FAN1: variants seen among roughly 807,000 people sequenced by gnomAD.
The protein encoded by FAN1 is fanconi-associated nuclease 1.
Under a neutral mutation model 104.9 loss-of-function variants are expected in FAN1, and 91 were observed. That is an observed-to-expected ratio of 0.87 (90% CI 0.73 to 1.03). FAN1 has a LOEUF of 1.03. FAN1 is among the 50% of genes least tolerant of loss of function. The probability of loss-of-function intolerance (pLI) is 0.00; values close to 1 mark genes in which losing one functional copy is unlikely to be tolerated. For synonymous variants in FAN1, 478 were observed against 457.6 expected (o/e 1.04, Z -0.57); for missense variants, 1,263 against 1,239.9 (o/e 1.02, Z -0.28).
In FAN1 at chr15:30,941,678, C is replaced by T. The variant is rs774800788; in HGVS notation, c.*116C>T. On this transcript the variant is annotated 3_prime_UTR_variant, in exon 15 of 15. Transcript: ENST00000362065. ...GTACATCCTGCTCTGGCCCAGCTCC[C>T]CATAGCAGGCCTCCAGGGGGCCACT... The T allele has an allele frequency of 6.1e-5, 98 of 1,613,506 alleles. No homozygotes were observed. The highest frequency in any genetic ancestry group is 8.0e-5 in the Non-Finnish European group (94 of 1,179,744).
chr15:30,919,620 C>G (rs1187422147), intron 6 of FAN1, among the ~76,000 whole-genome samples: 1 of 144,732 alleles, frequency 6.9e-6, no homozygotes, highest in Non-Finnish European at 1.5e-5. Flanking sequence ...ACCTGGGAGA[C>G]AGAGGTTGTA....
chr15:30,929,602 A>G (rs2062568327), intron 12 of FAN1, among the ~76,000 whole-genome samples: 1 of 125,396 alleles, frequency 8.0e-6, no homozygotes, highest in African/African-American at 3.5e-5. Context: ...TATATATTAC[A>G]TATTACATAT....
chr15:30,911,608 A>G (rs1488984890), intron 4 of FAN1: 47 of 946,390 alleles, frequency 5.0e-5, no homozygotes, highest in Non-Finnish European at 5.7e-5. Flanking sequence ...AAAGTACTTC[A>G]ATAAATTACA....
At chr15:30,932,063 A>T (rs1458674648) in intron 13 of FAN1, among the ~76,000 whole-genome samples, 1 of 151,976 alleles carries the variant, frequency 6.6e-6, no homozygotes, top group Non-Finnish European at 1.5e-5. Flanking sequence ...TCTACTAAAA[A>T]TACAAAAAAT....
At chr15:30,907,897 A>G (rs1232611217) in intron 2 of FAN1, among the ~76,000 whole-genome samples, 4 of 152,214 alleles carry the variant, frequency 2.6e-5, no homozygotes, top group Non-Finnish European at 5.9e-5. Context: ...GGGAGTAGAA[A>G]TGTTGATGTC....
At position 30,930,415 on chromosome 15, in the gene FAN1, G is replaced by A. The variant is rs191713236; in HGVS notation, c.2788-128G>A. 2.9e-5 allele frequency: 31 copies of A among 1,086,720 alleles called. No homozygotes were observed. The African/African-American group carries it at 4.5e-4, about 16-fold the overall frequency. 67.3% of individuals were successfully genotyped at this position (1,086,720 alleles called of 1,614,324 possible). ...GGTACAAGCAGCAGAACAGCGCATG[G>A]TGGGCCTGGGGTCCATGTGCACTGA... On this transcript the variant is annotated intron_variant, in intron 12 of 14. Transcript: ENST00000362065.
intron 13 of FAN1, among the ~76,000 whole-genome samples, chr15:30,934,149 C>A (rs1046632515): frequency 6.6e-6 from 1 of 152,178 alleles, no homozygotes; most frequent in Non-Finnish European, 1.5e-5. Flanking sequence ...CATGAGTCTA[C>A]CCTTTTATCA....
In FAN1 at chr15:30,910,656, C is replaced by T; in HGVS notation, c.1418C>T (p.Ser473Phe). ...CTCTCTGAAGTGCTTGAACTCCTTT[C>T]TGCTCCTGAACTAAAATCCCTAGCC... ...QELSEVLELL[S>F]APELKSLAKT... Residue 473 changes from serine (S) to phenylalanine (F), a missense_variant, in exon 4 of 15, where the codon TCT (serine) becomes TTT (phenylalanine). This residue lies in a region of FAN1 where 682 missense variants were observed against 571.1 expected (regional missense o/e 1.19). Coordinates refer to ENST00000362065, the MANE Select transcript of FAN1 (RefSeq NM_014967.5). 1 of 1,613,536 alleles carries T rather than the reference C, an allele frequency of 6.2e-7. No homozygotes were observed. The highest frequency in any genetic ancestry group is 8.5e-7 in the Non-Finnish European group (1 of 1,179,718).
At position 30,928,560 on chromosome 15, in the gene FAN1, T is replaced by A. The variant is rs180765412; in HGVS notation, c.2496T>A (p.His832Gln). Residue 832 changes from histidine (H) to glutamine (Q), a missense_variant, in exon 11 of 15, where the codon CAT becomes CAA. Physicochemically the swap from His to Gln is conservative, Grantham distance 24. Transcript: ENST00000362065. Reference protein sequence around the residue: ...YRRSGFDQGIHGEGSTFSTLY... With the variant: ...YRRSGFDQGIQGEGSTFSTLY... Reference sequence around the variant, plus strand: ...TGTGTGACCTTGTCTTAGGGATTCATGGCGAAGGGTCCACCTTCAGCACCC... The same window carrying A: ...TGTGTGACCTTGTCTTAGGGATTCAAGGCGAAGGGTCCACCTTCAGCACCC... 2 of 1,605,622 alleles carry A rather than the reference T, an allele frequency of 1.2e-6. No homozygotes were observed. The highest frequency in any genetic ancestry group is 2.7e-5 in the African/African-American group (2 of 73,252).
chr15:30,904,461 C>G (rs2061923633), intron 1 of FAN1, 51 bp from the exon 2 acceptor site: 13 of 675,382 alleles, frequency 1.9e-5, no homozygotes, highest in South Asian at 9.8e-5. Flanking sequence ...CGCTTTTCCC[C>G]TTGCTGAATT....
At chr15:30,921,928 T>G (rs1456638746) in intron 7 of FAN1, among the ~76,000 whole-genome samples, 1 of 152,224 alleles carries the variant, frequency 6.6e-6, no homozygotes, top group Non-Finnish European at 1.5e-5. Flanking sequence ...TGCCTGGAAC[T>G]TGACCCTGTG....
chr15:30,925,118 C>G lies in FAN1; in HGVS notation c.2173-9C>G. ...TAGGAGCCTGATGTGTGACCATGCT[C>G]TCTGCCAGACTATCAAGTGCATCAC... is the stretch of plus-strand genomic sequence containing the variant. On this transcript the variant is annotated splice_polypyrimidine_tract_variant and intron_variant, in intron 8 of 14. Transcript: ENST00000362065. The G allele has an allele frequency of 6.2e-7, 1 of 1,607,666 alleles. No homozygotes were observed. The highest frequency in any genetic ancestry group is 8.5e-7 in the Non-Finnish European group (1 of 1,176,318).
At position 30,937,147 on chromosome 15, in the gene FAN1, G is replaced by A. The variant is rs369323241; in HGVS notation, c.2945G>A (p.Arg982His). 7.3e-5 allele frequency: 118 copies of A among 1,613,540 alleles called. No homozygotes were observed. The highest frequency in any genetic ancestry group is 8.3e-5 in the Non-Finnish European group (98 of 1,179,866). ...GTGGAAGTTAAAGGCCCCAATGATC[G>A]TCTTTCACATAAGCAGATGATCTGG... ...KLVEVKGPND[R>H]LSHKQMIWLA... The change falls in exon 14 of 15, where the codon CGT becomes CAT. Residue 982 changes from arginine to histidine, a missense_variant. By Grantham distance (29) the Arg-to-His change is conservative. Coordinates refer to ENST00000362065, the MANE Select transcript of FAN1 (RefSeq NM_014967.5).
In FAN1 at chr15:30,942,485, A is replaced by C. The variant is rs1017123091; in HGVS notation, c.*923A>C. On this transcript the variant is annotated 3_prime_UTR_variant, in exon 15 of 15. Transcript: ENST00000362065. ...GTCTGCAAATTTTCTACCAAAAAAAATCCCAAGAATTTATTTGGGAATTAT... is the reference window on the plus strand; with the variant it reads ...GTCTGCAAATTTTCTACCAAAAAAACTCCCAAGAATTTATTTGGGAATTAT... 3.8e-6 allele frequency: 1 copy of C among 261,636 alleles called. No homozygotes were observed. The highest frequency in any genetic ancestry group is 2.2e-5 in the African/African-American group (1 of 44,926). 16.2% of individuals were successfully genotyped at this position (261,636 alleles called of 1,614,324 possible). A position where few individuals can be genotyped will look rare whatever the true frequency, so the allele number is the denominator to read the frequency against.
At chr15:30,906,615 G>T in intron 2 of FAN1, 2 of 435,098 alleles carry the variant, frequency 4.6e-6, no homozygotes, top group Non-Finnish European at 9.4e-6. Flanking sequence ...TCACACTGTC[G>T]TTTAGTAAAA....
rs760772995 is a variant in FAN1, at chr15:30,905,425, C to T, written c.762C>T (p.Thr254=). ...ATRECEKSAL[T]PGFSDNAIML... is the part of the protein sequence containing the mutation. ...GGGAATGTGAGAAATCAGCCCTCAC[C>T]CCTGGATTCTCAGATAATGCGATCA... The change falls in exon 2 of 15, where the codon ACC becomes ACT. Residue 254 remains threonine, a synonymous_variant. Coordinates refer to ENST00000362065, the MANE Select transcript of FAN1 (RefSeq NM_014967.5). 1.9e-6 allele frequency: 3 copies of T among 1,613,958 alleles called. No individual in the cohort carries two copies. Among genetic ancestry groups the T allele is most frequent in the Non-Finnish European group, 2.5e-6 (3 of 1,179,998 alleles).
chr15:30,941,935 CT>C lies in FAN1; in HGVS notation c.*374del, dbSNP rs1343590899. 6.2e-7 allele frequency: 1 copy of C among 1,613,902 alleles called. No homozygotes were observed. Among genetic ancestry groups the C allele is most frequent in the Non-Finnish European group, 8.5e-7 (1 of 1,179,908 alleles). ...TAAAATACTGCTCCGTATCACTGTT[CT>C]GGCTGTCGGTTTGCTGAGCTGGATC... On this transcript the variant is annotated 3_prime_UTR_variant, in exon 15 of 15. Coordinates refer to ENST00000362065, the MANE Select transcript of FAN1 (RefSeq NM_014967.5).
At chr15:30,929,534 G>C (rs1282862689) in intron 12 of FAN1, 137 bp downstream of exon 12, 2 of 207,798 alleles carry the variant, frequency 9.6e-6, no homozygotes, top group Non-Finnish European at 1.7e-5. Context: ...ATGATATATA[G>C]TATATATCAT....
intron 13 of FAN1, among the ~76,000 whole-genome samples, chr15:30,931,576 T>C (rs1445177284): frequency 1.3e-5 from 2 of 152,236 alleles, no homozygotes; most frequent in African/African-American, 4.8e-5. Flanking sequence ...TTCAGTTTTA[T>C]GATCATTTGA....
Sources: allele counts gnomAD v4.1 joint callset (sites outside exome capture counted in the v4.1 genomes callset), GRCh38; gene constraint gnomAD v4.1.1; regional missense constraint gnomAD v4.1.1; transcripts MANE v1.5; gene names NCBI Gene and HGNC (gene_info 2026-07-23, HGNC 2026-07-21).